Variants in MLLT3 observed in about 807,000 individuals in gnomAD.
The protein encoded by MLLT3 is protein AF-9.
MLLT3 carries 4 observed loss-of-function variants against 53.2 expected under a neutral mutation model. That is an observed-to-expected ratio of 0.08 (90% confidence interval 0.04 to 0.17). The LOEUF (loss-of-function observed/expected upper bound fraction) is 0.17, where lower values mean the gene tolerates loss of function less well. Among genes scored for constraint, MLLT3 ranks in the 10% least tolerant of loss-of-function variants. The probability of loss-of-function intolerance (pLI) is 1.00; values close to 1 mark genes in which losing one functional copy is unlikely to be tolerated. For synonymous variants in MLLT3, 283 were observed against 230.6 expected, an observed-to-expected ratio of 1.23 and a Z score of -2.06; for missense variants, 569 against 684.0, an observed-to-expected ratio of 0.83 and a Z score of 1.87.
chr9:20,375,775 G>A (rs546746843), intron 5 of MLLT3, among the ~76,000 whole-genome samples: 1 of 151,282 alleles, frequency 6.6e-6, no homozygotes, highest in Non-Finnish European at 1.5e-5. Flanking sequence ...CGCCCGGCTA[G>A]GTTTTTGTAT....
intron 2 of MLLT3, among the ~76,000 whole-genome samples, chr9:20,618,245 G>A (rs1820887704): frequency 6.6e-6 from 1 of 152,098 alleles, no homozygotes; most frequent in Non-Finnish European, 1.5e-5. Flanking sequence ...CTACAATATA[G>A]CTAACATAAC....
At chr9:20,426,120 G>C (rs1159494253) in intron 4 of MLLT3, among the ~76,000 whole-genome samples, 1 of 151,818 alleles carries the variant, frequency 6.6e-6, no homozygotes, top group Non-Finnish European at 1.5e-5. Flanking sequence ...TATACTCCCT[G>C]ACTTGCTATG....
chr9:20,447,380 G>A (rs1406080709), intron 4 of MLLT3, among the ~76,000 whole-genome samples: 2 of 152,210 alleles, frequency 1.3e-5, no homozygotes, highest in African/African-American at 2.4e-5. Context: ...GGTGTGAAGT[G>A]CCCACATAAT....
chr9:20,437,087 C>T (rs1267307400), intron 4 of MLLT3, among the ~76,000 whole-genome samples: 3 of 152,038 alleles, frequency 2.0e-5, no homozygotes, highest in Non-Finnish European at 4.4e-5. Context: ...TATGAGTCTG[C>T]CTTTCTAACT....
At chr9:20,553,439 GA>G (rs905305363) in intron 2 of MLLT3, among the ~76,000 whole-genome samples, 11 of 151,974 alleles carry the variant, frequency 7.2e-5, no homozygotes, top group Middle Eastern at 3.4e-3. Context: ...GGACATGAGA[GA>G]AAAAAAATCC....
rs1422113468 is a variant in MLLT3, at chr9:20,344,947, C to CTTCATT, written c.*1490_*1495dup. Reference sequence around the variant, plus strand: ...CGAACCTTTGGATCCAGAAGTATTTCTTCATTTCTCTTCTTTTCGGCTGAA... The same window carrying CTTCATT: ...CGAACCTTTGGATCCAGAAGTATTTCTTCATTTTCATTTCTCTTCTTTTCGGCTGAA... On this transcript the variant is annotated 3_prime_UTR_variant, in exon 11 of 11. Coordinates refer to ENST00000380338, the MANE Select transcript of MLLT3 (RefSeq NM_004529.4). 1 of 215,576 alleles carries CTTCATT rather than the reference C, an allele frequency of 4.6e-6. No homozygotes were observed. Among genetic ancestry groups the CTTCATT allele is most frequent in the Non-Finnish European group, 9.3e-6 (1 of 107,016 alleles). 13.4% of individuals were successfully genotyped at this position (215,576 alleles called of 1,614,324 possible).
intron 2 of MLLT3, among the ~76,000 whole-genome samples, chr9:20,516,920 A>G (rs1178419328): frequency 6.6e-6 from 1 of 152,250 alleles, no homozygotes; most frequent in Non-Finnish European, 1.5e-5. Flanking sequence ...ATTTTCAGTA[A>G]TATGCTAGAA....
chr9:20,541,204 A>G (rs146812265), intron 2 of MLLT3, among the ~76,000 whole-genome samples: 1,669 of 152,290 alleles, frequency 0.011, 9 homozygotes, highest in Non-Finnish European at 0.015. Flanking sequence ...TCAAAACCAT[A>G]CAATAAGTCT....
chr9:20,566,093 T>C (rs1819371429), intron 2 of MLLT3, among the ~76,000 whole-genome samples: 2 of 144,610 alleles, frequency 1.4e-5, no homozygotes, highest in African/African-American at 5.1e-5. Context: ...TAAATATATA[T>C]ATAAAGTGTA....
At chr9:20,458,695 G>A (rs1274086331) in intron 2 of MLLT3, among the ~76,000 whole-genome samples, 2 of 152,124 alleles carry the variant, frequency 1.3e-5, no homozygotes, top group African/African-American at 4.8e-5. Context: ...CACCATGCTG[G>A]CACTCTGATC....
At chr9:20,458,123 T>G (rs905585938) in intron 2 of MLLT3, among the ~76,000 whole-genome samples, 14 of 152,224 alleles carry the variant, frequency 9.2e-5, no homozygotes, top group Non-Finnish European at 2.9e-5. Flanking sequence ...CTCTGCAAGT[T>G]CAAATTCTAC....
chr9:20,508,015 A>C (rs1392353118), intron 2 of MLLT3, among the ~76,000 whole-genome samples: 1 of 152,204 alleles, frequency 6.6e-6, no homozygotes, highest in African/African-American at 2.4e-5. Context: ...TAAGATATTC[A>C]AATGTATATT....
chr9:20,565,844 G>C (rs1362558011), intron 2 of MLLT3, among the ~76,000 whole-genome samples: 1 of 146,992 alleles, frequency 6.8e-6, no homozygotes, highest in African/African-American at 2.5e-5. Context: ...GCACATTCTA[G>C]TCCCTCTTCA....
chr9:20,488,428 G>C (rs1300811525), intron 2 of MLLT3, among the ~76,000 whole-genome samples: 2 of 151,996 alleles, frequency 1.3e-5, no homozygotes, highest in Non-Finnish European at 2.9e-5. Flanking sequence ...AATCTAAACT[G>C]AATGAAAAAT....
intron 2 of MLLT3, among the ~76,000 whole-genome samples, chr9:20,535,094 G>C (rs1411728): frequency 0.94 from 142,883 of 152,172 alleles, 67,190 homozygotes; most frequent in African/African-American, 0.98. Context: ...TGTTAGGTAC[G>C]GGGCCACACG....
chr9:20,565,409 GCC>G (rs1225362370), intron 2 of MLLT3, among the ~76,000 whole-genome samples: 1 of 152,060 alleles, frequency 6.6e-6, no homozygotes, highest in African/African-American at 2.4e-5. Flanking sequence ...CCAACTCACT[GCC>G]CAAAAAGGAA....
At chr9:20,358,922 G>A (rs1296354844) in intron 8 of MLLT3, among the ~76,000 whole-genome samples, 3 of 151,816 alleles carry the variant, frequency 2.0e-5, no homozygotes, top group Non-Finnish European at 2.9e-5. Flanking sequence ...TTTGTGAGGC[G>A]CATGATGAGG....
intron 2 of MLLT3, among the ~76,000 whole-genome samples, chr9:20,482,483 A>C (rs987291429): frequency 1.3e-5 from 2 of 152,188 alleles, no homozygotes; most frequent in African/African-American, 4.8e-5. Flanking sequence ...CTACCTTATA[A>C]AATGAAGTGT....
intron 4 of MLLT3, among the ~76,000 whole-genome samples, chr9:20,419,080 A>C (rs1822945378): frequency 6.6e-6 from 1 of 152,234 alleles, no homozygotes; most frequent in Non-Finnish European, 1.5e-5. Flanking sequence ...AGGAAATAGG[A>C]GGAAGCAGAT....
Sources: gnomAD v4.1 joint callset for allele counts (sites outside exome capture counted in the v4.1 genomes callset) on GRCh38, gnomAD v4.1.1 for gene constraint, MANE v1.5 for transcripts, NCBI Gene and HGNC (gene_info 2026-07-23, HGNC 2026-07-21) for gene names.